Variants in PREPL observed in about 807,000 individuals in gnomAD.
PREPL encodes prolyl endopeptidase like.
Under a neutral mutation model 70.6 loss-of-function variants are expected in PREPL, and 77 were observed. That is an observed-to-expected ratio of 1.09 (90% CI 0.91 to 1.32). The LOEUF (loss-of-function observed/expected upper bound fraction) is 1.32, where lower values mean the gene tolerates loss of function less well. Among genes scored for constraint, PREPL ranks in the 40% most tolerant of loss-of-function variants. The pLI, the probability that PREPL is intolerant of heterozygous loss-of-function variation, is 0.00. For synonymous variants in PREPL, 315 were observed against 264.8 expected, an observed-to-expected ratio of 1.19 and a Z score of -1.84; for missense variants, 1,002 against 778.2, an observed-to-expected ratio of 1.29 and a Z score of -3.42.
At chr2:44,357,378 C>A (rs755332940) in intron 1 of PREPL, among the ~76,000 whole-genome samples, 2 of 152,238 alleles carry the variant, frequency 1.3e-5, no homozygotes, top group Non-Finnish European at 2.9e-5. Flanking sequence ...GCATTCTTCT[C>A]TACAGGTGTT....
Position 44,338,529 on chromosome 2 carries a change from C to G in PREPL, c.710G>C (p.Arg237Thr), listed in dbSNP as rs752645379. 6.2e-7 allele frequency: 1 copy of G among 1,605,940 alleles called. No homozygotes were observed. The highest frequency in any genetic ancestry group is 8.5e-7 in the Non-Finnish European group (1 of 1,178,012). ...VGEPTEFKLM[R>T]TAADTPAIMN... Reference sequence around the variant, plus strand: ...AATTGCAGGGGTATCAGCCGCTGTTCTCATTAGCTACGTGGAACAAAGTTA... The same window carrying G: ...AATTGCAGGGGTATCAGCCGCTGTTGTCATTAGCTACGTGGAACAAAGTTA... Residue 237 changes from arginine to threonine, a missense_variant, in exon 7 of 14, where the codon AGA becomes ACA. Transcript: ENST00000409411.
intron 1 of PREPL, among the ~76,000 whole-genome samples, chr2:44,349,513 A>T (rs1172424857): frequency 2.6e-5 from 4 of 152,226 alleles, no homozygotes; most frequent in African/African-American, 9.6e-5. Flanking sequence ...ATTTCAATTT[A>T]GGAAAACAGA....
At chr2:44,332,404 G>C in intron 8 of PREPL, 55 bp downstream of exon 8, 1 of 1,466,738 alleles carries the variant, frequency 6.8e-7, no homozygotes, top group Non-Finnish European at 9.5e-7. Context: ...ATGGCATCTG[G>C]CAAACGGTAT....
rs1013847903 is a variant in PREPL at position 44,326,694 on chromosome 2, G to C, written c.1479+18C>G. 5 of 1,603,568 alleles carry C rather than the reference G, an allele frequency of 3.1e-6. No individual in the cohort carries two copies. Among genetic ancestry groups the C allele is most frequent in the East Asian group, 2.2e-5 (1 of 44,846 alleles). On this transcript the variant is annotated intron_variant, in intron 10 of 13. Coordinates refer to ENST00000409411, the MANE Select transcript of PREPL (RefSeq NM_001171613.2). The stretch of plus-strand genomic sequence containing the variant: ...CACCTCCCCCATTCTATAAACAGTA[G>C]AGACAGAGCGTACTCACCTCCAAAG...
In PREPL at chr2:44,332,506, G is replaced by C. The variant is rs758565930; in HGVS notation, c.1039C>G (p.Pro347Ala). Residue 347 changes from proline to alanine, a missense_variant, in exon 8 of 14, where the codon CCA becomes GCA. Coordinates refer to ENST00000409411, the MANE Select transcript of PREPL (RefSeq NM_001171613.2). ...KLFEETGHED[P>A]ITKTSRVLRL... ...AAAACGCGACTAGTCTTTGTGATTG[G>C]GTCTTCATGCCCAGTTTCCTCAAAC... 3.1e-6 allele frequency: 5 copies of C among 1,613,982 alleles called. No individual in the cohort carries two copies. Among genetic ancestry groups the C allele is most frequent in the Non-Finnish European group, 4.2e-6 (5 of 1,179,964 alleles).
chr2:44,321,813 C>T lies in PREPL; in HGVS notation c.1827+14G>A. ...TTCGGGAATCTGTCCACTGAGAGGGCCTTGATAACATACCTTTTTGTGAGA... is the reference window on the plus strand; with the variant it reads ...TTCGGGAATCTGTCCACTGAGAGGGTCTTGATAACATACCTTTTTGTGAGA... On this transcript the variant is annotated intron_variant, in intron 13 of 13. Coordinates refer to ENST00000409411, the MANE Select transcript of PREPL (RefSeq NM_001171613.2). The T allele has an allele frequency of 2.5e-6, 4 of 1,613,702 alleles. No homozygotes were observed. Among genetic ancestry groups the T allele is most frequent in the African/African-American group, 1.3e-5 (1 of 74,982 alleles).
intron 1 of PREPL, among the ~76,000 whole-genome samples, chr2:44,356,568 C>T (rs1465720117): frequency 7.4e-6 from 1 of 135,916 alleles, no homozygotes; most frequent in Non-Finnish European, 1.6e-5. Context: ...AACAAACAAA[C>T]AACAGATGTG....
intron 1 of PREPL, chr2:44,359,519 G>A (rs1366308151): frequency 1.2e-6 from 2 of 1,611,356 alleles, no homozygotes; most frequent in Non-Finnish European, 1.7e-6. Flanking sequence ...GCTCCGACTT[G>A]GGATGTTTCT....
intron 5 of PREPL, among the ~76,000 whole-genome samples, chr2:44,340,135 C>T (rs112295762): frequency 4.6e-5 from 7 of 152,004 alleles, no homozygotes; most frequent in African/African-American, 1.7e-4. Flanking sequence ...TTTTTAAAGG[C>T]TACCTAATAT....
At chr2:44,324,409 C>G (rs953777693) in intron 10 of PREPL, among the ~76,000 whole-genome samples, 2 of 151,870 alleles carry the variant, frequency 1.3e-5, no homozygotes, top group Non-Finnish European at 2.9e-5. Flanking sequence ...TGGTATTTTA[C>G]CATAATTAAA....
At chr2:44,353,766 G>T (rs1676709130) in intron 1 of PREPL, among the ~76,000 whole-genome samples, 2 of 152,012 alleles carry the variant, frequency 1.3e-5, no homozygotes, top group Admixed American at 6.6e-5. Flanking sequence ...AATGGAAAAA[G>T]AACACTCTTT....
intron 10 of PREPL, among the ~76,000 whole-genome samples, chr2:44,325,359 T>G (rs752625060): frequency 7.9e-5 from 12 of 152,242 alleles, no homozygotes; most frequent in Non-Finnish European, 1.8e-4. Flanking sequence ...TGATTTGTGC[T>G]TGGCAGTGGC....
intron 8 of PREPL, 45 bp downstream of exon 8, chr2:44,332,414 T>A (rs1320856336): frequency 4.6e-6 from 7 of 1,506,830 alleles, no homozygotes; most frequent in Non-Finnish European, 6.4e-6. Flanking sequence ...GCAAACGGTA[T>A]GCTTTCAGTA....
At chr2:44,329,191 G>A (rs1353443019) in intron 8 of PREPL, 79 bp from the exon 9 acceptor site, 12 of 1,214,986 alleles carry the variant, frequency 9.9e-6, no homozygotes, top group Admixed American at 6.6e-5. Context: ...AATACATTGA[G>A]GTGCACTGTC....
At chr2:44,328,500 G>T (rs1237444238) in intron 9 of PREPL, among the ~76,000 whole-genome samples, 1 of 142,068 alleles carries the variant, frequency 7.0e-6, no homozygotes, top group Non-Finnish European at 1.5e-5. Context: ...AGATCCATCA[G>T]ACCATTAGGA....
At chr2:44,358,590 G>A (rs1217846965) in intron 1 of PREPL, among the ~76,000 whole-genome samples, 2 of 151,986 alleles carry the variant, frequency 1.3e-5, no homozygotes, top group Non-Finnish European at 2.9e-5. Flanking sequence ...ATTCTAACCA[G>A]GACACTTTTG....
intron 1 of PREPL, among the ~76,000 whole-genome samples, chr2:44,350,578 T>G (rs1676310863): frequency 6.6e-6 from 1 of 152,198 alleles, no homozygotes; most frequent in Non-Finnish European, 1.5e-5. Flanking sequence ...TTTAATAATG[T>G]TCATGTAAAA....
chr2:44,356,964 C>T (rs535683479), intron 1 of PREPL, among the ~76,000 whole-genome samples: 2 of 152,308 alleles, frequency 1.3e-5, no homozygotes, highest in Admixed American at 6.5e-5. Context: ...GCCACCATAC[C>T]CAGCTAATTT....
At position 44,318,595 on chromosome 2, in the gene PREPL, CATATGAAATG is replaced by C. The variant is rs1672636088; in HGVS notation, c.*2751_*2760del. On this transcript the variant is annotated 3_prime_UTR_variant, in exon 14 of 14. Coordinates refer to ENST00000409411, the MANE Select transcript of PREPL (RefSeq NM_001171613.2). ...AACTGTGTAAAGAAAAATATATAAA[CATATGAAATG>C]ATACATTCTGTGCCTATGCAAACAT... The C allele has an allele frequency of 1.3e-5, 2 of 154,458 alleles. No individual in the cohort carries two copies. Among genetic ancestry groups the C allele is most frequent in the Admixed American group, 6.4e-5 (1 of 15,600 alleles). 9.6% of individuals were successfully genotyped at this position (154,458 alleles called of 1,614,324 possible).
Sources: allele counts gnomAD v4.1 joint callset (sites outside exome capture counted in the v4.1 genomes callset), GRCh38; gene constraint gnomAD v4.1.1; transcripts MANE v1.5; gene names NCBI Gene and HGNC (gene_info 2026-07-23, HGNC 2026-07-21).